MSANTD7: variants seen among roughly 807,000 people sequenced by gnomAD.
MSANTD7 encodes the protein Myb/SANT DNA binding domain containing 7.
chr10:14,842,568 C>T, the MSANTD7 span: 76 of 1,536,020 alleles, frequency 4.9e-5, no homozygotes, highest in Non-Finnish European at 6.1e-5. The surrounding 1 kb of genome is among the most constrained non-coding windows in gnomAD (Gnocchi z 5.2). Flanking sequence ...TTTTATGATA[C>T]GTTGGATCAG....
the MSANTD7 span, chr10:14,844,603 A>G: frequency 2.0e-6 from 2 of 985,314 alleles, no homozygotes; most frequent in Non-Finnish European, 1.2e-6. Context: ...CCTTCATTTT[A>G]CTGGTTCTTA....
At chr10:14,842,150 T>C in the MSANTD7 span, 93 of 1,534,476 alleles carry the variant, frequency 6.1e-5, 3 homozygotes, top group South Asian at 1.1e-3. This position sits in a 1 kb window ranked among gnomAD's most constrained non-coding sequence, Gnocchi z 5.2. Context: ...ATGCGGTCCT[T>C]GGACCTGGCT....
chr10:14,842,755 G>A, the MSANTD7 span: 1 of 1,536,532 alleles, frequency 6.5e-7, no homozygotes, highest in South Asian at 1.2e-5. The surrounding 1 kb of genome is among the most constrained non-coding windows in gnomAD (Gnocchi z 5.2). Context: ...AAACAGTTAA[G>A]GCATCAGATG....
At chr10:14,843,512 C>G in the MSANTD7 span, 1 of 1,550,652 alleles carries the variant, frequency 6.4e-7, no homozygotes, top group South Asian at 1.2e-5. Context: ...CGCAGCACTC[C>G]TGGGGTAGCC....
chr10:14,844,500 A>T, the MSANTD7 span: 2 of 754,208 alleles, frequency 2.7e-6, no homozygotes, highest in Non-Finnish European at 3.1e-6. Flanking sequence ...CTATAAGCAC[A>T]ACCTGTATTT....
chr10:14,839,934 T>C, the MSANTD7 span: 1 of 1,613,290 alleles, frequency 6.2e-7, no homozygotes, highest in Non-Finnish European at 8.5e-7. Context: ...TTGCAAATGA[T>C]GCCGGTGACC....
At chr10:14,842,470 C>T in the MSANTD7 span, 1 of 1,536,170 alleles carries the variant, frequency 6.5e-7, no homozygotes, top group Non-Finnish European at 8.7e-7. This position sits in a 1 kb window ranked among gnomAD's most constrained non-coding sequence, Gnocchi z 5.2. Flanking sequence ...AACGTCAGTG[C>T]CGCTCCAAGT....
the MSANTD7 span, chr10:14,838,322 C>T: frequency 1.4e-6 from 2 of 1,394,940 alleles, no homozygotes; most frequent in African/African-American, 1.4e-5. Flanking sequence ...CTCCGCGGTG[C>T]CTGATGGGGC....
the MSANTD7 span, chr10:14,838,365 G>A: frequency 6.4e-6 from 10 of 1,573,298 alleles, no homozygotes; most frequent in African/African-American, 5.4e-5. Flanking sequence ...GCTGTTGGGG[G>A]ACCCCCTCAT....
chr10:14,845,978 A>G, the MSANTD7 span: 1 of 932,794 alleles, frequency 1.1e-6, no homozygotes, highest in Non-Finnish European at 1.3e-6. Flanking sequence ...ACAAAATGAA[A>G]ACGAAATTTT....
chr10:14,844,369 C>T, the MSANTD7 span: 2 of 1,024,304 alleles, frequency 2.0e-6, no homozygotes, highest in Admixed American at 5.0e-5. Context: ...TTACAAGATA[C>T]AGAAGTATGG....
At chr10:14,843,060 C>T in the MSANTD7 span, among the ~76,000 whole-genome samples, 1 of 152,174 alleles carries the variant, frequency 6.6e-6, no homozygotes, top group Non-Finnish European at 1.5e-5. Context: ...ACCCTTTAAA[C>T]CTAGAAGTGC....
the MSANTD7 span, chr10:14,843,419 G>A: frequency 6.4e-7 from 1 of 1,550,876 alleles, no homozygotes; most frequent in South Asian, 1.2e-5. Flanking sequence ...AGCCTTTTCA[G>A]AGGTGCAGTT....
At chr10:14,846,544 A>G in the MSANTD7 span, 2 of 985,246 alleles carry the variant, frequency 2.0e-6, no homozygotes, top group African/African-American at 3.5e-5. Flanking sequence ...CAAGCCAGGA[A>G]TCTGCCTATG....
At chr10:14,839,072 C>T in the MSANTD7 span, among the ~76,000 whole-genome samples, 1 of 152,328 alleles carries the variant, frequency 6.6e-6, no homozygotes, top group East Asian at 1.9e-4. Context: ...GCAAAGCTGC[C>T]TGGCTGTGAA....
chr10:14,843,161 G>A, the MSANTD7 span, among the ~76,000 whole-genome samples: 1 of 152,154 alleles, frequency 6.6e-6, no homozygotes, highest in African/African-American at 2.4e-5. Flanking sequence ...TGTACAAAGG[G>A]GTTCAGGAAG....
chr10:14,843,632 C>T, the MSANTD7 span: 1 of 1,550,288 alleles, frequency 6.5e-7, no homozygotes. Context: ...AGAAGGCGGT[C>T]AGTGGCCAGG....
chr10:14,840,676 G>T, the MSANTD7 span, among the ~76,000 whole-genome samples: 2 of 152,158 alleles, frequency 1.3e-5, no homozygotes, highest in South Asian at 2.1e-4. Context: ...ATCATCTGTT[G>T]TAAGTTTAAT....
chr10:14,840,041 A>T, the MSANTD7 span: 47,273 of 1,194,136 alleles, frequency 0.04, 782 homozygotes, highest in Admixed American at 0.084. Context: ...CATACATTGT[A>T]ATATATATAT....
Sources: allele counts gnomAD v4.1 joint callset (sites outside exome capture counted in the v4.1 genomes callset), GRCh38; gene constraint gnomAD v4.1.1; non-coding constraint Gnocchi (gnomAD v3.1); transcripts MANE v1.5; gene names NCBI Gene and HGNC (gene_info 2026-07-23, HGNC 2026-07-21).